TRHDE: variants seen among roughly 807,000 people sequenced by gnomAD.
TRHDE encodes thyrotropin releasing hormone degrading enzyme.
TRHDE carries 72 observed loss-of-function variants against 125.7 expected under a neutral mutation model. The observed-to-expected ratio is 0.57, with a 90% confidence interval of 0.47 to 0.70. The LOEUF is 0.70. Ranked by LOEUF, TRHDE falls within the 30% of genes least tolerant of loss-of-function variation. The pLI is 0.00. For missense variants in TRHDE, 1,110 were observed against 1,327.1 expected (o/e 0.84, Z 2.54); for synonymous variants, 509 against 509.1 (o/e 1.00, Z 0.00).
At chr12:72,524,579 G>T (rs1868301320) in intron 6 of TRHDE, among the ~76,000 whole-genome samples, 1 of 152,110 alleles carries the variant, frequency 6.6e-6, no homozygotes, top group Non-Finnish European at 1.5e-5. Flanking sequence ...TAGCAGGATG[G>T]TAAATTCAGT....
At chr12:72,325,247 AT>A (rs1869286736) in intron 2 of TRHDE, among the ~76,000 whole-genome samples, 3 of 151,950 alleles carry the variant, frequency 2.0e-5, no homozygotes, top group Admixed American at 2.0e-4. Context: ...ATGAAATTCT[AT>A]TTCTTCAGTT....
chr12:72,189,306 G>T (rs2139347586), intron 2 of TRHDE, among the ~76,000 whole-genome samples: 1 of 152,298 alleles, frequency 6.6e-6, no homozygotes. Flanking sequence ...AAACCTTACA[G>T]GTAAATGGGT....
At chr12:72,188,612 T>C (rs1315266880) in intron 2 of TRHDE, among the ~76,000 whole-genome samples, 2 of 152,224 alleles carry the variant, frequency 1.3e-5, no homozygotes, top group Non-Finnish European at 2.9e-5. Context: ...TGAACTCATC[T>C]ACAGAGGCAG....
chr12:72,372,516 G>A (rs923590763), intron 2 of TRHDE, among the ~76,000 whole-genome samples: 18 of 152,246 alleles, frequency 1.2e-4, no homozygotes, highest in African/African-American at 3.9e-4. Context: ...GGTTTTTATG[G>A]TTTTAGGTCT....
chr12:72,474,517 A>G (rs925833502), intron 5 of TRHDE, among the ~76,000 whole-genome samples: 2 of 152,116 alleles, frequency 1.3e-5, no homozygotes, highest in African/African-American at 4.8e-5. Flanking sequence ...TAGAAGTGGA[A>G]TTATGTAGTA....
intron 6 of TRHDE, among the ~76,000 whole-genome samples, chr12:72,508,005 T>G (rs1222950198): frequency 6.6e-6 from 1 of 152,214 alleles, no homozygotes; most frequent in Non-Finnish European, 1.5e-5. Context: ...CCATGTGGTG[T>G]TAAGCCTGTG....
chr12:72,411,918 A>G lies in TRHDE; in HGVS notation c.1315+33797A>G, dbSNP rs533895812. 2.6e-5 allele frequency among the ~76,000 whole-genome samples: 4 copies of G among 152,332 alleles called. No homozygotes were observed. In the East Asian group the frequency reaches 7.7e-4, roughly 29 times the overall value. On this transcript the variant is annotated intron_variant, in intron 3 of 18. Transcript: ENST00000261180. Reference sequence around the variant, plus strand: ...TAATAAATAATACTAGACCATTTGGATATCAAACTGAAATAAAATTAAAGT... The same window carrying G: ...TAATAAATAATACTAGACCATTTGGGTATCAAACTGAAATAAAATTAAAGT...
At chr12:72,552,746 T>C (rs975779644) in intron 7 of TRHDE, among the ~76,000 whole-genome samples, 2 of 152,132 alleles carry the variant, frequency 1.3e-5, no homozygotes, top group Non-Finnish European at 2.9e-5. Context: ...AAACAGAGTA[T>C]GTAGAATAAA....
chr12:72,441,832 C>T (rs969763590), intron 3 of TRHDE, among the ~76,000 whole-genome samples: 2 of 151,694 alleles, frequency 1.3e-5, no homozygotes, highest in African/African-American at 2.4e-5. Context: ...AATATTTCAG[C>T]GATAGTGCTT....
At chr12:72,487,116 A>C (rs1877449486) in intron 5 of TRHDE, among the ~76,000 whole-genome samples, 1 of 152,078 alleles carries the variant, frequency 6.6e-6, no homozygotes, top group South Asian at 2.1e-4. Flanking sequence ...TTTTTACAAA[A>C]TTAAAAACTG....
At chr12:72,204,703 T>G (rs550420891) in intron 2 of TRHDE, among the ~76,000 whole-genome samples, 2 of 152,220 alleles carry the variant, frequency 1.3e-5, no homozygotes, top group Non-Finnish European at 2.9e-5. Context: ...GATTGGGTCT[T>G]TAAGGTCAAT....
chr12:72,530,158 C>G (rs1264543490), intron 6 of TRHDE, among the ~76,000 whole-genome samples: 2 of 152,074 alleles, frequency 1.3e-5, no homozygotes, highest in African/African-American at 4.8e-5. Flanking sequence ...TAAAAATTCC[C>G]TTGACTTACT....
intron 3 of TRHDE, among the ~76,000 whole-genome samples, chr12:72,427,210 CTAGACAG>C (rs1451796435): frequency 4.6e-5 from 7 of 152,156 alleles, no homozygotes; most frequent in African/African-American, 1.7e-4. Flanking sequence ...AACCCCTGAT[CTAGACAG>C]TAGTATTACC....
intron 5 of TRHDE, among the ~76,000 whole-genome samples, chr12:72,493,480 A>G (rs1475533928): frequency 1.3e-5 from 2 of 151,934 alleles, no homozygotes; most frequent in African/African-American, 4.8e-5. Context: ...ATTGTGTGCC[A>G]TTTGTGCACA....
chr12:72,595,146 G>GAGAT (rs1333153995), intron 12 of TRHDE, among the ~76,000 whole-genome samples: 1 of 147,648 alleles, frequency 6.8e-6, no homozygotes, highest in African/African-American at 2.5e-5. Flanking sequence ...ATAGCATTAG[G>GAGAT]AGATATACCT....
intron 2 of TRHDE, among the ~76,000 whole-genome samples, chr12:72,157,536 A>C (rs558239059): frequency 6.6e-6 from 1 of 152,320 alleles, no homozygotes; most frequent in Non-Finnish European, 1.5e-5. Flanking sequence ...TAAAAGGAAG[A>C]GCTAATAGGA....
rs561562777 is a variant in TRHDE at position 72,628,493 on chromosome 12, A to C, written c.2675+6742A>C. On this transcript the variant is annotated intron_variant, in intron 15 of 18. Transcript: ENST00000261180. ...GGGCAGAATCCGTACTGAAACAAGA[A>C]CATCCTCTAAAAATTTTGCAAGCTA... 5.9e-5 allele frequency among the ~76,000 whole-genome samples: 9 copies of C among 152,004 alleles called. No individual in the cohort carries two copies. The South Asian group carries it at 1.9e-3, about 32-fold the overall frequency.
At chr12:72,107,175 A>G (rs1402834146) in intron 2 of TRHDE, among the ~76,000 whole-genome samples, 1 of 152,158 alleles carries the variant, frequency 6.6e-6, no homozygotes, top group African/African-American at 2.4e-5. Context: ...TAGCCAGAAG[A>G]AAATTATAAA....
intron 12 of TRHDE, among the ~76,000 whole-genome samples, chr12:72,602,192 T>A (rs1399908875): frequency 1.3e-5 from 2 of 151,980 alleles, no homozygotes; most frequent in African/African-American, 4.8e-5. Context: ...AACATCAATG[T>A]CTAATAACAA....
Sources: allele counts gnomAD v4.1 joint callset (sites outside exome capture counted in the v4.1 genomes callset), GRCh38; gene constraint gnomAD v4.1.1; transcripts MANE v1.5; gene names NCBI Gene and HGNC (gene_info 2026-07-23, HGNC 2026-07-21).